NELL1: variants seen among roughly 807,000 people sequenced by gnomAD.
NELL1 encodes the protein neural EGFL like 1, also known as protein kinase C-binding protein NELL1.
In NELL1, 76 loss-of-function variants were observed where a neutral mutation model predicts 107.4. The ratio of observed to expected loss-of-function variants is 0.71; its 90% confidence interval spans 0.59 to 0.86. NELL1 has a LOEUF of 0.86. Ranked by LOEUF, NELL1 falls within the 40% of genes least tolerant of loss-of-function variation. The probability of loss-of-function intolerance (pLI) is 0.00; values close to 1 mark genes in which losing one functional copy is unlikely to be tolerated. For synonymous variants in NELL1, 353 were observed against 341.2 expected, an observed-to-expected ratio of 1.03 and a Z score of -0.38; for missense variants, 1,024 against 1,005.5, an observed-to-expected ratio of 1.02 and a Z score of -0.25.
rs115821544 is a variant in NELL1, at chr11:21,485,368, G to C, written c.1646-49006G>C. On this transcript the variant is annotated intron_variant, in intron 15 of 19. Coordinates refer to ENST00000357134, the MANE Select transcript of NELL1 (RefSeq NM_006157.5). ...TGAGGAAATCACAGGCCCCATAGCTGTCTGCCTATTCTCCTCCCACTGAGA... is the reference window on the plus strand; with the variant it reads ...TGAGGAAATCACAGGCCCCATAGCTCTCTGCCTATTCTCCTCCCACTGAGA... 8.0e-3 allele frequency among the ~76,000 whole-genome samples: 1,214 copies of C among 152,150 alleles called. 22 individuals are homozygous for C. The highest frequency in any genetic ancestry group is 0.028 in the African/African-American group (1,164 of 41,504).
chr11:21,067,702 A>G (rs1003475482), intron 12 of NELL1, among the ~76,000 whole-genome samples: 4 of 152,160 alleles, frequency 2.6e-5, no homozygotes, highest in African/African-American at 9.6e-5. Context: ...AAAATAGTAT[A>G]ATCTATATTC....
chr11:20,783,554 A>C, intron 2 of NELL1, 126 bp from the exon 3 acceptor site: 1 of 623,808 alleles, frequency 1.6e-6, no homozygotes, highest in Non-Finnish European at 2.6e-6. Context: ...TGACATTTTT[A>C]ACCATGGATC....
intron 15 of NELL1, among the ~76,000 whole-genome samples, chr11:21,441,828 A>G (rs531096812): frequency 2.6e-5 from 4 of 152,276 alleles, no homozygotes; most frequent in African/African-American, 2.4e-5. Flanking sequence ...TACCAAATTT[A>G]TTTTGACCTT....
intron 13 of NELL1, among the ~76,000 whole-genome samples, chr11:21,124,762 C>A (rs1165769925): frequency 6.6e-6 from 1 of 151,966 alleles, no homozygotes; most frequent in Non-Finnish European, 1.5e-5. Context: ...CCACCACACC[C>A]AGCTAATTTT....
chr11:20,910,724 AG>A (rs1240459462), intron 5 of NELL1, among the ~76,000 whole-genome samples: 1 of 152,244 alleles, frequency 6.6e-6, no homozygotes, highest in Non-Finnish European at 1.5e-5. Context: ...AGGCTTCACC[AG>A]GGTCAGAACT....
intron 15 of NELL1, among the ~76,000 whole-genome samples, chr11:21,455,721 T>C (rs1853711152): frequency 6.6e-6 from 1 of 152,148 alleles, no homozygotes; most frequent in African/African-American, 2.4e-5. Flanking sequence ...GGTCTTCCTC[T>C]TGGAATTTGT....
chr11:21,548,516 G>T (rs558566873), intron 16 of NELL1, among the ~76,000 whole-genome samples: 1 of 151,716 alleles, frequency 6.6e-6, no homozygotes, highest in South Asian at 2.1e-4. Context: ...AAGTGAAAGC[G>T]GAAACCCCTT....
intron 14 of NELL1, among the ~76,000 whole-genome samples, chr11:21,275,002 G>T (rs1235134378): frequency 6.6e-6 from 1 of 152,132 alleles, no homozygotes; most frequent in African/African-American, 2.4e-5. Flanking sequence ...AGGGAAGCAA[G>T]AGCGAACACA....
Position 21,575,139 on chromosome 11 carries a change from T to C in NELL1, c.*117T>C, listed in dbSNP as rs1297770652. 1.1e-6 allele frequency: 1 copy of C among 912,550 alleles called. No individual in the cohort carries two copies. The highest frequency in any genetic ancestry group is 1.7e-6 in the Non-Finnish European group (1 of 574,416). The allele number at this position is 912,550 out of a possible 1,614,324, so 56.5% of individuals were successfully genotyped here. On this transcript the variant is annotated 3_prime_UTR_variant, in exon 20 of 20. Transcript: ENST00000357134. ...GTTTTGTTTTTTTAACCACAGATAA[T>C]TGCCAAAGTTTCCACCTGAGGACGG...
At chr11:20,692,938 A>T (rs1056433916) in intron 2 of NELL1, among the ~76,000 whole-genome samples, 2 of 152,100 alleles carry the variant, frequency 1.3e-5, no homozygotes, top group African/African-American at 4.8e-5. Context: ...TTTGTGGGTC[A>T]TTCAGGACTT....
intron 13 of NELL1, among the ~76,000 whole-genome samples, chr11:21,218,643 A>G (rs140586260): frequency 6.6e-6 from 1 of 152,184 alleles, no homozygotes; most frequent in African/African-American, 2.4e-5. Flanking sequence ...ATCCTCCTCT[A>G]TCTACTATCT....
At chr11:21,236,866 G>T (rs1478585767) in intron 14 of NELL1, among the ~76,000 whole-genome samples, 2 of 152,080 alleles carry the variant, frequency 1.3e-5, no homozygotes, top group Non-Finnish European at 2.9e-5. Flanking sequence ...AAGAAGGCCT[G>T]CCAGCCACCT....
chr11:20,885,450 T>C lies in NELL1; in HGVS notation c.513T>C (p.Tyr171=), dbSNP rs748340853. The change falls in exon 5 of 20, where the codon TAT becomes TAC. Residue 171 remains tyrosine (Y), a synonymous_variant. Transcript: ENST00000357134. ...LLLHVDCNRI[Y]ERVIDPPDTN... is the part of the protein sequence containing the mutation. ...GTGTTCTTTGCCTTTACAGGATTTA[T>C]GAGCGTGTGATAGACCCTCCAGATA... is the stretch of plus-strand genomic sequence containing the variant. The C allele has an allele frequency of 6.2e-7, 1 of 1,607,884 alleles. No individual in the cohort carries two copies. The highest frequency in any genetic ancestry group is 8.5e-7 in the Non-Finnish European group (1 of 1,174,290).
intron 2 of NELL1, among the ~76,000 whole-genome samples, chr11:20,715,523 A>G (rs985661833): frequency 2.0e-5 from 3 of 152,108 alleles, no homozygotes; most frequent in African/African-American, 7.2e-5. Flanking sequence ...TGTGGCTTAG[A>G]CTCACTCCAC....
intron 12 of NELL1, among the ~76,000 whole-genome samples, chr11:21,051,480 TA>T (rs1853491892): frequency 6.6e-6 from 1 of 152,004 alleles, no homozygotes. Flanking sequence ...AAGCTACCAC[TA>T]AAGGACTTAT....
chr11:20,841,033 G>T (rs986218093), intron 3 of NELL1, among the ~76,000 whole-genome samples: 3 of 152,090 alleles, frequency 2.0e-5, no homozygotes, highest in South Asian at 2.1e-4. Context: ...TCATGTTTCT[G>T]TACCTCTCTT....
intron 2 of NELL1, among the ~76,000 whole-genome samples, chr11:20,739,761 G>T (rs1255160240): frequency 6.6e-6 from 1 of 152,184 alleles, no homozygotes; most frequent in Non-Finnish European, 1.5e-5. Context: ...TTTCTGCAGG[G>T]TTCACAAGAG....
chr11:21,342,411 T>TG (rs57914880), intron 14 of NELL1, among the ~76,000 whole-genome samples: 25,894 of 72,670 alleles, frequency 0.36, 2,941 homozygotes, highest in East Asian at 0.42. Flanking sequence ...GAGGCTTAAG[T>TG]GGGGGGGGGG....
intron 2 of NELL1, among the ~76,000 whole-genome samples, chr11:20,723,750 C>A (rs1049043480): frequency 6.6e-6 from 1 of 152,310 alleles, no homozygotes; most frequent in Admixed American, 6.5e-5. Flanking sequence ...GGCTCCAACC[C>A]CACATTTTCC....
Sources: allele counts gnomAD v4.1 joint callset (sites outside exome capture counted in the v4.1 genomes callset), GRCh38; gene constraint gnomAD v4.1.1; transcripts MANE v1.5; gene names NCBI Gene and HGNC (gene_info 2026-07-23, HGNC 2026-07-21).